Variants in NLRC4 observed in about 807,000 individuals in gnomAD.
The protein encoded by NLRC4 is NLR family CARD domain-containing protein 4.
A neutral mutation model predicts 79.9 loss-of-function variants in NLRC4; 63 were observed. The observed-to-expected ratio is 0.79, with a 90% CI of 0.64 to 0.97. The LOEUF is 0.97. Among genes scored for constraint, NLRC4 ranks in the 50% least tolerant of loss-of-function variants. The probability of loss-of-function intolerance (pLI) is 0.00; values close to 1 mark genes in which losing one functional copy is unlikely to be tolerated. For synonymous variants in NLRC4, 461 were observed against 456.5 expected (o/e 1.01, Z -0.12); for missense variants, 1,074 against 1,215.2 (o/e 0.88, Z 1.73).
At chr2:32,248,128 C>T (rs1206835209) in intron 4 of NLRC4, among the ~76,000 whole-genome samples, 1 of 152,048 alleles carries the variant, frequency 6.6e-6, no homozygotes. Flanking sequence ...CACTTGTACC[C>T]CCTATATCTA....
rs890321006 is a variant in NLRC4 at position 32,236,333 on chromosome 2, T to C, written c.2528A>G (p.Asn843Ser). 3 of 1,593,826 alleles carry C rather than the reference T, an allele frequency of 1.9e-6. No homozygotes were observed. The highest frequency in any genetic ancestry group is 1.4e-5 in the African/African-American group (1 of 73,862). ...SANAVKILAQNLHNLVKLSIL... is the reference protein window; with the variant it reads ...SANAVKILAQSLHNLVKLSIL... Reference sequence around the variant, plus strand: ...GCTCAGTTTGACCAAATTGTGAAGATTCTGAGCTGGGGAAAAAAAGTAATC... The same window carrying C: ...GCTCAGTTTGACCAAATTGTGAAGACTCTGAGCTGGGGAAAAAAAGTAATC... The change falls in exon 7 of 9, where the codon AAT (asparagine) becomes AGT (serine). Residue 843 changes from asparagine to serine, a missense_variant. Coordinates refer to ENST00000402280, the MANE Select transcript of NLRC4 (RefSeq NM_001199138.2).
At chr2:32,249,506 A>G (rs1309280185) in intron 4 of NLRC4, 101 bp downstream of exon 4, 15 of 1,003,570 alleles carry the variant, frequency 1.5e-5, no homozygotes, top group Non-Finnish European at 2.2e-5. Context: ...GCAGGCTGTA[A>G]CCCTTTAGAA....
At position 32,250,331 on chromosome 2, in the gene NLRC4, T is replaced by C. The variant is rs1190331888; in HGVS notation, c.1533A>G (p.Ala511=). 1.2e-6 allele frequency: 2 copies of C among 1,614,056 alleles called. No homozygotes were observed. Among genetic ancestry groups the C allele is most frequent in the Non-Finnish European group, 1.7e-6 (2 of 1,179,994 alleles). The change falls in exon 4 of 9, where the codon GCA becomes GCG. Residue 511 remains alanine (A), a synonymous_variant. Coordinates refer to ENST00000402280, the MANE Select transcript of NLRC4 (RefSeq NM_001199138.2). The surrounding 1 kb of genome is among the most constrained non-coding windows in gnomAD (Gnocchi z 4.9). ...ATRAVMKHLA[A]VYQHGCLLGL... ...CGAGAAGGCAGCCGTGTTGATACAC[T>C]GCTGCGAGGTGCTTCATAACAGCCC...
chr2:32,253,563 A>G (rs184526334), intron 2 of NLRC4, among the ~76,000 whole-genome samples: 1 of 152,322 alleles, frequency 6.6e-6, no homozygotes, highest in East Asian at 1.9e-4. Flanking sequence ...GTGAGGTTGT[A>G]GTTGTAAGAC....
intron 1 of NLRC4, among the ~76,000 whole-genome samples, chr2:32,257,143 G>C (rs1161127885): frequency 6.6e-6 from 1 of 152,228 alleles, no homozygotes; most frequent in Non-Finnish European, 1.5e-5. Flanking sequence ...CATTTCTGCT[G>C]TTCAGAGCCA....
In NLRC4 at chr2:32,256,907, A is replaced by G; in HGVS notation, c.-118-14T>C. ...CTACTCTTCATTCTGTAAAACAAACAAAACAGAACCAGAGACTATCAGGTG... is the reference window on the plus strand; with the variant it reads ...CTACTCTTCATTCTGTAAAACAAACGAAACAGAACCAGAGACTATCAGGTG... On this transcript the variant is annotated splice_polypyrimidine_tract_variant and intron_variant, in intron 1 of 8. Transcript: ENST00000402280. The G allele has an allele frequency of 1.5e-6, 1 of 651,314 alleles. No homozygotes were observed. Among genetic ancestry groups the G allele is most frequent in the Non-Finnish European group, 2.8e-6 (1 of 353,068 alleles). 40.3% of individuals were successfully genotyped at this position (651,314 alleles called of 1,614,324 possible). A position where few individuals can be genotyped will look rare whatever the true frequency, so the allele number is the denominator to read the frequency against.
At chr2:32,262,286 C>T (rs1201446611) in intron 1 of NLRC4, among the ~76,000 whole-genome samples, 1 of 152,102 alleles carries the variant, frequency 6.6e-6, no homozygotes, top group Non-Finnish European at 1.5e-5. Context: ...TCCCTTTCTA[C>T]TTCCCCAAAA....
At chr2:32,256,965 C>T (rs373696498) in intron 1 of NLRC4, 72 bp from the exon 2 acceptor site, 7 of 522,616 alleles carry the variant, frequency 1.3e-5, no homozygotes, top group Non-Finnish European at 2.1e-5. Flanking sequence ...GGTAATGCCC[C>T]GCTTTTCATA....
At chr2:32,233,245 G>T (rs1367541972) in intron 8 of NLRC4, among the ~76,000 whole-genome samples, 2 of 126,494 alleles carry the variant, frequency 1.6e-5, no homozygotes, top group African/African-American at 5.8e-5. Context: ...GAGGGGAGGG[G>T]ACATACTGCT....
At chr2:32,254,614 T>C (rs951739377) in intron 2 of NLRC4, among the ~76,000 whole-genome samples, 1 of 25,934 alleles carries the variant, frequency 3.9e-5, no homozygotes, top group Non-Finnish European at 8.1e-5. Flanking sequence ...CTGCTCCTGG[T>C]TTTTTTTTTT....
At position 32,249,964 on chromosome 2, in the gene NLRC4, T is replaced by TTCC. The variant is rs1687028916; in HGVS notation, c.1897_1899dup (p.Gly633dup). 3.1e-6 allele frequency: 5 copies of TTCC among 1,614,104 alleles called. 1 individual carries two copies. In the Admixed American group the frequency reaches 8.3e-5, roughly 27 times the overall value. The stretch of plus-strand genomic sequence containing the variant: ...GTTTCTGGGGCCTCTTCCATGTGGA[T>TTCC]TCCACCTGTGTCTTCTGCAGCCTTT... On this transcript the variant is annotated inframe_insertion, in exon 4 of 9. Transcript: ENST00000402280.
At chr2:32,237,760 C>T (rs1184117149) in intron 6 of NLRC4, among the ~76,000 whole-genome samples, 1 of 152,162 alleles carries the variant, frequency 6.6e-6, no homozygotes, top group Non-Finnish European at 1.5e-5. Context: ...AGCCTGAGAT[C>T]ATTTAAGAAA....
At chr2:32,245,143 C>A (rs1686902056) in intron 4 of NLRC4, among the ~76,000 whole-genome samples, 1 of 151,662 alleles carries the variant, frequency 6.6e-6, no homozygotes. Context: ...AACCCTGTCT[C>A]TATTAAAAAA....
At position 32,250,530 on chromosome 2, in the gene NLRC4, G is replaced by A; in HGVS notation, c.1334C>T (p.Ser445Leu). The A allele has an allele frequency of 6.2e-7, 1 of 1,614,186 alleles. No individual in the cohort carries two copies. The highest frequency in any genetic ancestry group is 8.5e-7 in the Non-Finnish European group (1 of 1,180,034). The change falls in exon 4 of 9, where the codon TCA becomes TTA. Residue 445 changes from serine (S) to leucine (L), a missense_variant. Transcript: ENST00000402280. The surrounding 1 kb of genome is among the most constrained non-coding windows in gnomAD (Gnocchi z 4.9). Reference sequence around the variant, plus strand: ...TCGTCCTGCTGTGTACTCCTGGAATGACTTGTGAAAGAATTTATACTTTGG... The same window carrying A: ...TCGTCCTGCTGTGTACTCCTGGAATAACTTGTGAAAGAATTTATACTTTGG... ...FKPKYKFFHK[S>L]FQEYTAGRRL...
chr2:32,243,928 C>T (rs1686869235), intron 4 of NLRC4, among the ~76,000 whole-genome samples: 1 of 151,764 alleles, frequency 6.6e-6, no homozygotes, highest in Non-Finnish European at 1.5e-5. Flanking sequence ...CTACGTGATC[C>T]CATAAATTGA....
rs1280585052 is a variant in NLRC4, at chr2:32,225,855, A to C, written c.2783-1090T>G. Among the ~76,000 whole-genome samples, 3 of 152,086 alleles carry C rather than the reference A, an allele frequency of 2.0e-5. No individual in the cohort carries two copies. The South Asian group carries it at 6.2e-4, about 31-fold the overall frequency. On this transcript the variant is annotated intron_variant, in intron 8 of 8. Transcript: ENST00000402280. ...GCTCATCTTAGTCTTAGTGTACCTCACCCAACTTTGGAGGGTTAATTTGTT... is the reference window on the plus strand; with the variant it reads ...GCTCATCTTAGTCTTAGTGTACCTCCCCCAACTTTGGAGGGTTAATTTGTT...
At chr2:32,240,974 A>C (rs1558451330) in intron 5 of NLRC4, 59 bp downstream of exon 5, 15 of 1,050,672 alleles carry the variant, frequency 1.4e-5, no homozygotes, top group Non-Finnish European at 1.8e-5. Context: ...CAGAGCCTGA[A>C]GTTAACTCCT....
At chr2:32,238,442 G>A in intron 5 of NLRC4, 140 bp from the exon 6 acceptor site, 2 of 676,616 alleles carry the variant, frequency 3.0e-6, no homozygotes, top group East Asian at 2.8e-5. Context: ...AAGTTACAAA[G>A]AATCAACGAG....
rs752291931 is a variant in NLRC4, at chr2:32,236,345, GA to G, written c.2522-7del. On this transcript the variant is annotated splice_polypyrimidine_tract_variant and splice_region_variant and intron_variant, in intron 6 of 8. Coordinates refer to ENST00000402280, the MANE Select transcript of NLRC4 (RefSeq NM_001199138.2). ...CAAATTGTGAAGATTCTGAGCTGGG[GA>G]AAAAAAGTAATCCAAAATAAAAAGA... The G allele has an allele frequency of 2.6e-5, 40 of 1,551,354 alleles. No homozygotes were observed. Among genetic ancestry groups the G allele is most frequent in the Middle Eastern group, 1.7e-4 (1 of 5,812 alleles).
Sources: allele counts gnomAD v4.1 joint callset (sites outside exome capture counted in the v4.1 genomes callset), GRCh38; gene constraint gnomAD v4.1.1; non-coding constraint Gnocchi (gnomAD v3.1); transcripts MANE v1.5; gene names NCBI Gene and HGNC (gene_info 2026-07-23, HGNC 2026-07-21).